MERTK: variants seen among roughly 807,000 people sequenced by gnomAD.
MERTK encodes tyrosine-protein kinase Mer.
A neutral mutation model predicts 99.3 loss-of-function variants in MERTK; 69 were observed. That is an observed-to-expected ratio of 0.70 (90% CI 0.57 to 0.85). The LOEUF is 0.85. MERTK is among the 40% of genes least tolerant of loss of function. The probability of loss-of-function intolerance (pLI) is 0.00; values close to 1 mark genes in which losing one functional copy is unlikely to be tolerated. For synonymous variants in MERTK, 426 were observed against 467.6 expected, an observed-to-expected ratio of 0.91 and a Z score of 1.15; for missense variants, 1,125 against 1,249.4, an observed-to-expected ratio of 0.90 and a Z score of 1.50.
At chr2:111,965,158 G>A (rs1685336106) in intron 4 of MERTK, 33 bp from the exon 5 acceptor site, 1 of 1,588,996 alleles carries the variant, frequency 6.3e-7, no homozygotes, top group Non-Finnish European at 8.6e-7. Context: ...CTGTTTCTCT[G>A]CTGCTGGTCT....
chr2:111,901,329 C>A (rs1236717697), intron 1 of MERTK, among the ~76,000 whole-genome samples: 2 of 152,128 alleles, frequency 1.3e-5, no homozygotes, highest in Non-Finnish European at 2.9e-5. Context: ...TTTTAAGATT[C>A]TTTAATGTTA....
rs752793588 is a variant in MERTK at position 112,028,382 on chromosome 2, G to A, written c.2518G>A (p.Asp840Asn). Residue 840 changes from aspartate (D) to asparagine (N), a missense_variant, in exon 19 of 19, where the codon GAT becomes AAT. Physicochemically the swap from Asp to Asn is conservative, Grantham distance 23 (BLOSUM62 1). Coordinates refer to ENST00000295408, the MANE Select transcript of MERTK (RefSeq NM_006343.3). ...AATAATGTACTCTTGCTGGAGAACC[G>A]ATCCCTTAGACCGCCCCACCTTTTC... ...YEIMYSCWRT[D>N]PLDRPTFSVL... The A allele has an allele frequency of 1.6e-5, 26 of 1,614,136 alleles. 1 individual carries two copies. The East Asian group carries it at 4.5e-4, about 28-fold the overall frequency.
At chr2:111,961,028 A>C (rs1685240185) in intron 4 of MERTK, among the ~76,000 whole-genome samples, 1 of 151,946 alleles carries the variant, frequency 6.6e-6, no homozygotes, top group South Asian at 2.1e-4. Flanking sequence ...TCAGTGCAAT[A>C]AATATTTTCT....
rs373647951 is a variant in MERTK at position 111,931,519 on chromosome 2, C to G, written c.482+1979C>G. Among the ~76,000 whole-genome samples, 3 of 152,230 alleles carry G rather than the reference C, an allele frequency of 2.0e-5. No homozygotes were observed. The East Asian group carries it at 5.8e-4, about 29-fold the overall frequency. ...TGGCCAACGTAGTGAAACCCCATCT[C>G]TACTAAAAATACGAAAATTAGCTGG... On this transcript the variant is annotated intron_variant, in intron 2 of 18. Coordinates refer to ENST00000295408, the MANE Select transcript of MERTK (RefSeq NM_006343.3).
Position 111,970,019 on chromosome 2 carries a change from G to GT in MERTK, c.960+1773dup, listed in dbSNP as rs1473264803. ...CCTTTCTTAATTCTTGCTCAGTTTT[G>GT]TTTTTTGTTTTTTTTCCTGTAAGCC... is the stretch of plus-strand genomic sequence containing the variant. On this transcript the variant is annotated intron_variant, in intron 6 of 18. Coordinates refer to ENST00000295408, the MANE Select transcript of MERTK (RefSeq NM_006343.3). Among the ~76,000 whole-genome samples the GT allele has an allele frequency of 6.1e-3, 919 of 151,760 alleles. 10 individuals carry two copies. The highest frequency in any genetic ancestry group is 0.021 in the African/African-American group (888 of 41,348).
At chr2:111,939,289 T>G (rs1406576679) in intron 2 of MERTK, among the ~76,000 whole-genome samples, 1 of 152,036 alleles carries the variant, frequency 6.6e-6, no homozygotes, top group Non-Finnish European at 1.5e-5. Flanking sequence ...AAGCTGCCAG[T>G]TCCACTCCCA....
chr2:111,898,872 C>G (rs1460198637), intron 1 of MERTK, 76 bp downstream of exon 1: 2 of 1,445,154 alleles, frequency 1.4e-6, no homozygotes, highest in African/African-American at 1.4e-5. Context: ...GGGGAGGGAG[C>G]GCGTCCACAG....
intron 8 of MERTK, among the ~76,000 whole-genome samples, chr2:111,985,420 T>C (rs1676456870): frequency 6.6e-6 from 1 of 152,132 alleles, no homozygotes; most frequent in African/African-American, 2.4e-5. Flanking sequence ...ATGCACTGGT[T>C]TCATTATCAA....
chr2:111,908,057 G>A (rs990187156), intron 1 of MERTK, among the ~76,000 whole-genome samples: 3 of 152,188 alleles, frequency 2.0e-5, no homozygotes, highest in Non-Finnish European at 2.9e-5. Flanking sequence ...GTGGTGGGGA[G>A]CCTCTCTCTA....
In MERTK at chr2:111,899,681, C is replaced by T. The variant is rs576731680; in HGVS notation, c.61+885C>T. 8.3e-4 allele frequency among the ~76,000 whole-genome samples: 126 copies of T among 152,228 alleles called. 1 individual carries two copies. Among genetic ancestry groups the T allele is most frequent in the Non-Finnish European group, 1.2e-3 (82 of 68,012 alleles). On this transcript the variant is annotated intron_variant, in intron 1 of 18. Transcript: ENST00000295408. ...TATAGACGCGCGCTACCACGTCCGG[C>T]TAATTTTTGTATTTTTAGTAGAGAC... is the stretch of plus-strand genomic sequence containing the variant.
intron 15 of MERTK, among the ~76,000 whole-genome samples, chr2:112,015,254 C>A (rs1558808153): frequency 6.6e-6 from 1 of 152,132 alleles, no homozygotes; most frequent in Non-Finnish European, 1.5e-5. Context: ...GAACTGTTTT[C>A]CAGAGAGGCC....
At position 112,029,140 on chromosome 2, in the gene MERTK, A is replaced by G; in HGVS notation, c.*276A>G. 2 of 1,112,960 alleles carry G rather than the reference A, an allele frequency of 1.8e-6. No homozygotes were observed. Among genetic ancestry groups the G allele is most frequent in the Non-Finnish European group, 2.2e-6 (2 of 905,274 alleles). The allele number at this position is 1,112,960 out of a possible 1,614,324, so 68.9% of individuals were successfully genotyped here. On this transcript the variant is annotated 3_prime_UTR_variant, in exon 19 of 19. Coordinates refer to ENST00000295408, the MANE Select transcript of MERTK (RefSeq NM_006343.3). ...ACTTATCTTGCATATCTTAAAATTA[A>G]GCTTCAGCTGCTCCTTGATATTAAC... is the stretch of plus-strand genomic sequence containing the variant.
chr2:111,934,011 C>T (rs4380244), intron 2 of MERTK, among the ~76,000 whole-genome samples: 80,354 of 151,708 alleles, frequency 0.53, 21,475 homozygotes, highest in Middle Eastern at 0.56. Context: ...CTGAGAATGA[C>T]GGTTTCCAGC....
At chr2:112,003,468 T>C in intron 12 of MERTK, 1 of 348,936 alleles carries the variant, frequency 2.9e-6, no homozygotes, top group Non-Finnish European at 5.3e-6. Context: ...TAGTTTCCTA[T>C]GTACTTTAAG....
chr2:111,925,292 A>AT (rs11433691), intron 1 of MERTK, among the ~76,000 whole-genome samples: 408 of 24,528 alleles, frequency 0.017, 66 homozygotes, highest in Non-Finnish European at 0.023. Context: ...ATATATATAT[A>AT]TTTTTTTTTT....
rs1677520907 is a variant in MERTK, at chr2:112,028,702, T to A, written c.2838T>A (p.Ser946=). 1.2e-6 allele frequency: 2 copies of A among 1,614,204 alleles called. No individual in the cohort carries two copies. Among genetic ancestry groups the A allele is most frequent in the Non-Finnish European group, 1.7e-6 (2 of 1,180,032 alleles). ...GGGAAGATCTGACTTCTGCCCCCTC[T>A]GCTGCAGTCACAGCTGAAAAGAACA... The part of the protein sequence containing the change: ...EEWEDLTSAP[S]AAVTAEKNSV... Residue 946 remains serine (S), a synonymous_variant, in exon 19 of 19, where the codon TCT becomes TCA. Coordinates refer to ENST00000295408, the MANE Select transcript of MERTK (RefSeq NM_006343.3).
At chr2:111,987,029 T>G (rs964485050) in intron 8 of MERTK, among the ~76,000 whole-genome samples, 1 of 152,190 alleles carries the variant, frequency 6.6e-6, no homozygotes, top group African/African-American at 2.4e-5. Flanking sequence ...TTCCTTCATC[T>G]CAGAAGGGCA....
chr2:112,028,734 T>A lies in MERTK; in HGVS notation c.2870T>A (p.Leu957Ter). The A allele has an allele frequency of 6.2e-7, 1 of 1,614,176 alleles. No individual in the cohort carries two copies. Among genetic ancestry groups the A allele is most frequent in the Non-Finnish European group, 8.5e-7 (1 of 1,180,026 alleles). ...GTCACAGCTGAAAAGAACAGTGTTT[T>A]ACCGGGGGAGAGACTTGTTAGGAAT... ...AAVTAEKNSVLPGERLVRNGV... is the reference protein window; with the variant it reads ...AAVTAEKNSV Residue 957 changes from leucine to a stop codon, truncating the protein, a stop_gained, in exon 19 of 19, where the codon TTA (leucine) becomes TAA (stop). Coordinates refer to ENST00000295408, the MANE Select transcript of MERTK (RefSeq NM_006343.3). LOFTEE classifies it low-confidence loss of function (END_TRUNC).
At chr2:112,005,070 T>TC (rs780131475) in intron 13 of MERTK, among the ~76,000 whole-genome samples, 9 of 151,976 alleles carry the variant, frequency 5.9e-5, no homozygotes, top group Non-Finnish European at 1.2e-4. Flanking sequence ...TCAAATACTT[T>TC]CTTTTTTTTT....
Sources: gnomAD v4.1 joint callset for allele counts (sites outside exome capture counted in the v4.1 genomes callset) on GRCh38, gnomAD v4.1.1 for gene constraint, MANE v1.5 for transcripts, NCBI Gene and HGNC (gene_info 2026-07-23, HGNC 2026-07-21) for gene names.